The following CFDP1 variants were observed in gnomAD, a reference collection of about 807,000 sequenced individuals.
CFDP1 encodes the protein heterochromatin-stabilizing protein CFDP1.
Under a neutral mutation model 40.1 loss-of-function variants are expected in CFDP1, and 31 were observed. That is an observed-to-expected ratio of 0.77 (90% CI 0.58 to 1.04). The LOEUF is 1.04. Ranked by LOEUF, CFDP1 falls within the 50% of genes least tolerant of loss-of-function variation. The pLI is 0.00. For synonymous variants in CFDP1, 167 were observed against 120.0 expected, an observed-to-expected ratio of 1.39 and a Z score of -2.56; for missense variants, 423 against 343.4, an observed-to-expected ratio of 1.23 and a Z score of -1.83.
At position 75,366,243 on chromosome 16, in the gene CFDP1, T is replaced by C. The variant is rs369079071; in HGVS notation, c.650+28847A>G. Among the ~76,000 whole-genome samples the C allele has an allele frequency of 2.6e-5, 4 of 152,310 alleles. No individual in the cohort carries two copies. In the South Asian group the frequency reaches 6.2e-4, roughly 24 times the overall value. On this transcript the variant is annotated intron_variant, in intron 5 of 6. Coordinates refer to ENST00000283882, the MANE Select transcript of CFDP1 (RefSeq NM_006324.3). ...TGATATATACTACACAAGAAAACAT[T>C]TGTTTTCTGGCAGTTGTCCAGAACT...
chr16:75,397,386 A>G (rs948755880), intron 4 of CFDP1, among the ~76,000 whole-genome samples: 2 of 151,196 alleles, frequency 1.3e-5, no homozygotes. Flanking sequence ...GTGGTGGTGC[A>G]TGCCTGTAAC....
At chr16:75,355,069 T>C (rs1198079480) in intron 5 of CFDP1, among the ~76,000 whole-genome samples, 2 of 152,252 alleles carry the variant, frequency 1.3e-5, no homozygotes, top group Non-Finnish European at 2.9e-5. Context: ...AATAGCATTA[T>C]GTCTAAGAAA....
chr16:75,433,165 C>T (rs185052), intron 1 of CFDP1, 124 bp downstream of exon 1: 140,761 of 862,334 alleles, frequency 0.16, 12,823 homozygotes, highest in East Asian at 0.43. Context: ...GGAGCGGACG[C>T]TCGAGAACAG....
At chr16:75,418,616 T>C (rs1007959437) in intron 1 of CFDP1, among the ~76,000 whole-genome samples, 2 of 152,048 alleles carry the variant, frequency 1.3e-5, no homozygotes, top group African/African-American at 4.8e-5. Context: ...GCTAACCCTT[T>C]TTAAGTATTT....
At chr16:75,360,001 C>T (rs1317040895) in intron 5 of CFDP1, among the ~76,000 whole-genome samples, 1 of 152,150 alleles carries the variant, frequency 6.6e-6, no homozygotes, top group African/African-American at 2.4e-5. Flanking sequence ...AACTCCTGGG[C>T]TCAGATGATC....
intron 5 of CFDP1, among the ~76,000 whole-genome samples, chr16:75,313,644 G>C (rs1269713099): frequency 1.3e-5 from 2 of 152,220 alleles, no homozygotes; most frequent in African/African-American, 4.8e-5. Flanking sequence ...CAGCATGTGA[G>C]TTTTAAGGTG....
At chr16:75,383,405 G>A (rs547797566) in intron 5 of CFDP1, among the ~76,000 whole-genome samples, 1 of 152,112 alleles carries the variant, frequency 6.6e-6, no homozygotes, top group Non-Finnish European at 1.5e-5. Context: ...CATAAAAATC[G>A]CTTAGTGCTA....
intron 1 of CFDP1, among the ~76,000 whole-genome samples, chr16:75,419,799 G>A (rs1039769016): frequency 6.6e-6 from 1 of 152,148 alleles, no homozygotes; most frequent in Admixed American, 6.5e-5. Flanking sequence ...CTGAAAAGGG[G>A]AGGCATGAAT....
intron 4 of CFDP1, among the ~76,000 whole-genome samples, chr16:75,399,586 C>G (rs1468194253): frequency 6.6e-6 from 1 of 152,140 alleles, no homozygotes; most frequent in Non-Finnish European, 1.5e-5. Flanking sequence ...ACCATGTTGC[C>G]TGGGCTGGAT....
chr16:75,349,233 G>A (rs564400340), intron 5 of CFDP1, among the ~76,000 whole-genome samples: 1 of 152,100 alleles, frequency 6.6e-6, no homozygotes, highest in South Asian at 2.1e-4. Flanking sequence ...TTCTTAGGCT[G>A]GGTGCGGTGG....
intron 4 of CFDP1, among the ~76,000 whole-genome samples, chr16:75,404,527 G>T (rs919349826): frequency 6.6e-6 from 1 of 152,168 alleles, no homozygotes; most frequent in East Asian, 1.9e-4. Context: ...GGCCGCAAAG[G>T]TACTGTCTTA....
intron 5 of CFDP1, among the ~76,000 whole-genome samples, chr16:75,383,186 A>T (rs948666826): frequency 7.9e-5 from 12 of 152,206 alleles, no homozygotes; most frequent in Non-Finnish European, 1.5e-4. Context: ...TCCAAAATTC[A>T]AGTAACTGAG....
intron 1 of CFDP1, among the ~76,000 whole-genome samples, chr16:75,429,088 G>T (rs922774687): frequency 1.4e-4 from 22 of 151,892 alleles, no homozygotes; most frequent in African/African-American, 5.3e-4. Flanking sequence ...CTGCACTCTA[G>T]CCTGGACAAG....
chr16:75,415,243 C>G (rs1219372341), intron 1 of CFDP1, among the ~76,000 whole-genome samples: 1 of 152,210 alleles, frequency 6.6e-6, no homozygotes, highest in Non-Finnish European at 1.5e-5. Flanking sequence ...CACTGACATT[C>G]AAGGGTCCCC....
At chr16:75,298,326 G>A (rs2078198472) in intron 6 of CFDP1, among the ~76,000 whole-genome samples, 1 of 152,174 alleles carries the variant, frequency 6.6e-6, no homozygotes, top group Non-Finnish European at 1.5e-5. Context: ...CTTTGAGGGT[G>A]GTAAGGCCCA....
chr16:75,405,073 CA>C (rs961368127), intron 4 of CFDP1, among the ~76,000 whole-genome samples: 4 of 152,126 alleles, frequency 2.6e-5, no homozygotes, highest in African/African-American at 9.7e-5. Flanking sequence ...ACTTGTTCAG[CA>C]ATTTGACAAT....
chr16:75,400,401 G>A (rs1361800409), intron 4 of CFDP1, among the ~76,000 whole-genome samples: 6 of 152,142 alleles, frequency 3.9e-5, no homozygotes, highest in African/African-American at 1.4e-4. Flanking sequence ...GCCAAAAACA[G>A]GCAAGCCAAT....
intron 5 of CFDP1, among the ~76,000 whole-genome samples, chr16:75,321,649 T>A (rs535365158): frequency 1.3e-5 from 2 of 152,324 alleles, no homozygotes; most frequent in South Asian, 4.1e-4. Context: ...AGGGGCTTTA[T>A]GGGCCCAACC....
chr16:75,424,597 T>A (rs979488241), intron 1 of CFDP1, among the ~76,000 whole-genome samples: 1 of 151,738 alleles, frequency 6.6e-6, no homozygotes, highest in Non-Finnish European at 1.5e-5. Context: ...CTACTAAAAA[T>A]ACAAAAACTT....
Sources: allele counts gnomAD v4.1 joint callset (sites outside exome capture counted in the v4.1 genomes callset), GRCh38; gene constraint gnomAD v4.1.1; transcripts MANE v1.5; gene names NCBI Gene and HGNC (gene_info 2026-07-23, HGNC 2026-07-21).